KCNAB2: variants seen among roughly 807,000 people sequenced by gnomAD.
KCNAB2 encodes the protein potassium voltage-gated channel subfamily A regulatory beta subunit 2.
In KCNAB2, 29 loss-of-function variants were observed where a neutral mutation model predicts 63.6. The observed-to-expected ratio is 0.46, with a 90% confidence interval of 0.34 to 0.62. KCNAB2 has a LOEUF of 0.62. KCNAB2 is among the 20% of genes least tolerant of loss of function. KCNAB2 has a pLI of 0.01. For missense variants in KCNAB2, 359 were observed against 563.9 expected (o/e 0.64, Z 3.68); for synonymous variants, 222 against 224.2 (o/e 0.99, Z 0.09).
rs767578775 is a variant in KCNAB2 at position 6,051,623 on chromosome 1, G to A, written c.87G>A (p.Thr29=). The A allele has an allele frequency of 2.8e-5, 43 of 1,534,576 alleles. No individual in the cohort carries two copies. In the Middle Eastern group the frequency reaches 5.8e-4, roughly 21 times the overall value. Residue 29 remains threonine (T), a synonymous_variant, in exon 2 of 16, where the codon ACG becomes ACA. Transcript: ENST00000378083. ...GGGCCCTGCACCCCGTCCGCCAGAC[G>A]GACACGCTGGAACTGCAGCGGCTGC... ...SEWALHPVRQ[T]DTLELQRLRE...
At position 6,053,912 on chromosome 1, in the gene KCNAB2, A is replaced by G. The variant is rs190055377; in HGVS notation, c.218+2158A>G. ...CAAAAAATTAGCCAGGCATGGTGAC[A>G]CATGCCTGTGGTCCCAGCTACACAG... is the stretch of plus-strand genomic sequence containing the variant. On this transcript the variant is annotated intron_variant, in intron 2 of 15. Transcript: ENST00000378083. Among the ~76,000 whole-genome samples the G allele has an allele frequency of 1.1e-4, 17 of 151,894 alleles. No homozygotes were observed. In the East Asian group the frequency reaches 3.3e-3, roughly 30 times the overall value.
chr1:6,019,918 C>T (rs1008737629), intron 1 of KCNAB2, among the ~76,000 whole-genome samples: 4 of 152,126 alleles, frequency 2.6e-5, no homozygotes, highest in African/African-American at 9.7e-5. Flanking sequence ...CTCCGGAGGG[C>T]GGAGCAGGCC....
At chr1:6,004,555 G>C (rs1657445337) in intron 1 of KCNAB2, among the ~76,000 whole-genome samples, 1 of 151,958 alleles carries the variant, frequency 6.6e-6, no homozygotes, top group Non-Finnish European at 1.5e-5. Context: ...GCTGCCCGTA[G>C]TGTTCCTTGG....
intron 2 of KCNAB2, among the ~76,000 whole-genome samples, chr1:6,059,395 C>T (rs1570985074): frequency 6.6e-6 from 1 of 152,042 alleles, no homozygotes; most frequent in Non-Finnish European, 1.5e-5. Flanking sequence ...TCACTAGGTT[C>T]CCCAGGCTAG....
upstream of KCNAB2, among the ~76,000 whole-genome samples, chr1:6,042,842 C>CG (rs1660609918): frequency 4.8e-5 from 3 of 62,812 alleles, no homozygotes; most frequent in Admixed American, 3.1e-4. Flanking sequence ...CCCCACTCCC[C>CG]ACCCCCCCCC....
Position 6,096,815 on chromosome 1 carries a change from G to A in KCNAB2, c.1069+59G>A, listed in dbSNP as rs755806964. 203 of 1,489,080 alleles carry A rather than the reference G, an allele frequency of 1.4e-4. No individual in the cohort carries two copies. Among genetic ancestry groups the A allele is most frequent in the Non-Finnish European group, 1.7e-4 (189 of 1,111,426 alleles). The allele number at this position is 1,489,080 out of a possible 1,614,324, so 92.2% of individuals were successfully genotyped here. A position where few individuals can be genotyped will look rare whatever the true frequency, so the allele number is the denominator to read the frequency against. On this transcript the variant is annotated intron_variant, in intron 14 of 15. Transcript: ENST00000378083. This position sits in a 1 kb window ranked among gnomAD's most constrained non-coding sequence, Gnocchi z 5.9. ...TGGGGAGAACCTGCCCCAGCTGGCC[G>A]TAGGTAACAGGGTGGGGTTGCCATG... is the stretch of plus-strand genomic sequence containing the variant.
chr1:6,067,754 G>T (rs906080031), intron 2 of KCNAB2, among the ~76,000 whole-genome samples: 2 of 152,188 alleles, frequency 1.3e-5, no homozygotes, highest in African/African-American at 4.8e-5. Flanking sequence ...TTAGAGCCAG[G>T]AGAGGTGGCT....
rs1352878528 is a variant in KCNAB2 at position 6,024,475 on chromosome 1, A to AT, written c.-52-16042_-52-16041insT. 6.6e-6 allele frequency among the ~76,000 whole-genome samples: 1 copy of AT among 152,246 alleles called. No homozygotes were observed. Among genetic ancestry groups the AT allele is most frequent in the Non-Finnish European group, 1.5e-5 (1 of 68,044 alleles). On this transcript the variant is annotated intron_variant, in intron 1 of 16. Coordinates refer to the KCNAB2 transcript ENST00000341524. This position sits in a 1 kb window ranked among gnomAD's most constrained non-coding sequence, Gnocchi z 5.4. Reference sequence around the variant, plus strand: ...TGGTCCAAAGAAACTTTTTAAAAAAAGAGTTGGCAAATATCTGAAAATACA... The same window carrying AT: ...TGGTCCAAAGAAACTTTTTAAAAAAATGAGTTGGCAAATATCTGAAAATACA...
At chr1:6,046,295 A>G (rs1193095247) in intron 1 of KCNAB2, 112 bp downstream of exon 1, 5 of 740,070 alleles carry the variant, frequency 6.8e-6, no homozygotes, top group Non-Finnish European at 8.3e-6. Flanking sequence ...GTTTTGTCTG[A>G]TCCGGAATTA....
chr1:6,040,094 G>GAC (rs1660372131), intron 1 of KCNAB2, among the ~76,000 whole-genome samples: 1 of 152,236 alleles, frequency 6.6e-6, no homozygotes, highest in Non-Finnish European at 1.5e-5. Context: ...AAGGGACAGT[G>GAC]TCAGCGATGA....
intron 2 of KCNAB2, among the ~76,000 whole-genome samples, chr1:6,054,025 A>AGAG (rs1401157514): frequency 6.7e-6 from 1 of 149,800 alleles, no homozygotes; most frequent in East Asian, 2.0e-4. Context: ...CCTGGGCGGC[A>AGAG]GAGTGAGACC....
chr1:6,040,014 A>G (rs1405015975), intron 1 of KCNAB2, among the ~76,000 whole-genome samples: 1 of 152,236 alleles, frequency 6.6e-6, no homozygotes, highest in Non-Finnish European at 1.5e-5. Context: ...CATCAGTGGC[A>G]TCTGAGAAGC....
Position 6,046,023 on chromosome 1 carries a change from T to G in KCNAB2, c.-187T>G. On this transcript the variant is annotated 5_prime_UTR_variant, in exon 1 of 16. Coordinates refer to ENST00000378083, the MANE Select transcript of KCNAB2 (RefSeq NM_001199862.2). ...ACTAATGGACTCGCTGCCTCAAAAC[T>G]CGACTCTGGTGGGACTCATCTCATT... 7.1e-6 allele frequency: 7 copies of G among 985,434 alleles called. No homozygotes were observed. The highest frequency in any genetic ancestry group is 8.4e-6 in the Non-Finnish European group (7 of 829,924). 61.0% of individuals were successfully genotyped at this position (985,434 alleles called of 1,614,324 possible).
intron 1 of KCNAB2, among the ~76,000 whole-genome samples, chr1:6,050,557 G>T (rs1318033519): frequency 6.6e-6 from 1 of 152,192 alleles, no homozygotes; most frequent in East Asian, 1.9e-4. Flanking sequence ...CCTTTTAATT[G>T]TCCACTATCT....
chr1:6,089,129 G>A (rs1439111535), intron 8 of KCNAB2, 78 bp downstream of exon 8: 3 of 1,431,522 alleles, frequency 2.1e-6, no homozygotes, highest in South Asian at 1.2e-5. Flanking sequence ...GGCAGCACAG[G>A]GCCCGACCCC....
intron 1 of KCNAB2, among the ~76,000 whole-genome samples, chr1:6,005,805 C>G (rs1488228023): frequency 6.6e-6 from 1 of 151,854 alleles, no homozygotes; most frequent in Non-Finnish European, 1.5e-5. Flanking sequence ...GCCGGAGTTT[C>G]CCCTGGCAGG....
intron 1 of KCNAB2, among the ~76,000 whole-genome samples, chr1:6,014,779 A>G (rs1658386383): frequency 6.6e-6 from 1 of 152,202 alleles, no homozygotes; most frequent in Non-Finnish European, 1.5e-5. Flanking sequence ...CACCCTCGCC[A>G]GGCAGTGAGG....
intron 1 of KCNAB2, among the ~76,000 whole-genome samples, chr1:6,014,088 A>G (rs1319918025): frequency 6.6e-6 from 1 of 152,264 alleles, no homozygotes; most frequent in Non-Finnish European, 1.5e-5. Context: ...ATTACGCTGA[A>G]TGAACGCACG....
rs1465784594 is a variant in KCNAB2 at position 6,085,190 on chromosome 1, G to T, written c.381-14G>T. 2 of 1,613,876 alleles carry T rather than the reference G, an allele frequency of 1.2e-6. No homozygotes were observed. The highest frequency in any genetic ancestry group is 2.7e-5 in the African/African-American group (2 of 74,922). On this transcript the variant is annotated splice_polypyrimidine_tract_variant and intron_variant, in intron 5 of 15. Transcript: ENST00000378083. ...TGTTTGGCTGTGATGAGAGCTCGGTGTCTTGTTTTGCAGGGCTGAAGTGGT... is the reference window on the plus strand; with the variant it reads ...TGTTTGGCTGTGATGAGAGCTCGGTTTCTTGTTTTGCAGGGCTGAAGTGGT...
Sources: gnomAD v4.1 joint callset for allele counts (sites outside exome capture counted in the v4.1 genomes callset) on GRCh38, gnomAD v4.1.1 for gene constraint, Gnocchi (gnomAD v3.1) non-coding constraint, MANE v1.5 for transcripts, NCBI Gene and HGNC (gene_info 2026-07-23, HGNC 2026-07-21) for gene names.